COBL: variants seen among roughly 807,000 people sequenced by gnomAD.
COBL encodes protein cordon-bleu.
COBL carries 51 observed loss-of-function variants against 98.8 expected under a neutral mutation model. That is an observed-to-expected ratio of 0.52 (90% CI 0.41 to 0.65). COBL has a LOEUF of 0.65. Ranked by LOEUF, COBL falls within the 30% of genes least tolerant of loss-of-function variation. COBL has a pLI of 0.00. For synonymous variants in COBL, 634 were observed against 651.7 expected, an observed-to-expected ratio of 0.97 and a Z score of 0.41; for missense variants, 1,617 against 1,617.5, an observed-to-expected ratio of 1.00 and a Z score of 0.01.
At chr7:51,130,297 C>T (rs1798619283) in intron 6 of COBL, among the ~76,000 whole-genome samples, 1 of 152,138 alleles carries the variant, frequency 6.6e-6, no homozygotes. Flanking sequence ...GAGGAGTGGC[C>T]ATGAGACACA....
chr7:51,275,125 G>A (rs1584377423), intron 1 of COBL, among the ~76,000 whole-genome samples: 2 of 152,158 alleles, frequency 1.3e-5, no homozygotes, highest in South Asian at 2.1e-4. Flanking sequence ...AGGGACGCAC[G>A]TGGAGCCGCT....
intron 1 of COBL, among the ~76,000 whole-genome samples, chr7:51,245,258 T>C (rs1796188940): frequency 6.6e-6 from 1 of 152,188 alleles, no homozygotes; most frequent in African/African-American, 2.4e-5. Flanking sequence ...GCTGTTCTTC[T>C]ACCTGGAATT....
intron 7 of COBL, among the ~76,000 whole-genome samples, chr7:51,049,066 T>G (rs1209873740): frequency 2.6e-5 from 4 of 152,178 alleles, no homozygotes; most frequent in Non-Finnish European, 5.9e-5. Context: ...CTAATATATG[T>G]CAAAAATCAC....
chr7:51,108,957 C>CACACACACACACACACACA (rs869144573), intron 6 of COBL, among the ~76,000 whole-genome samples: 9 of 83,966 alleles, frequency 1.1e-4, no homozygotes, highest in Non-Finnish European at 2.2e-4. Flanking sequence ...CACACACACA[C>CACACACACACACACACACA]CCCCTGCCCC....
intron 1 of COBL, among the ~76,000 whole-genome samples, chr7:51,295,285 C>CA (rs10628772): frequency 0.51 from 70,392 of 137,488 alleles, 17,183 homozygotes; most frequent in South Asian, 0.59. Context: ...GACTCTGGCT[C>CA]AAAAAAAAAA....
chr7:51,192,903 A>C (rs1790244018), intron 3 of COBL, among the ~76,000 whole-genome samples: 1 of 152,236 alleles, frequency 6.6e-6, no homozygotes, highest in Admixed American at 6.5e-5. Context: ...TAAAGTTAAA[A>C]TTAAATTAAA....
chr7:51,087,559 C>T (rs904785859), intron 6 of COBL, among the ~76,000 whole-genome samples: 8 of 151,960 alleles, frequency 5.3e-5, no homozygotes, highest in Admixed American at 2.0e-4. Context: ...AGTGCAGTGG[C>T]GCGATCTCGG....
intron 4 of COBL, among the ~76,000 whole-genome samples, chr7:51,189,535 G>A (rs1465460783): frequency 6.6e-6 from 1 of 152,146 alleles, no homozygotes; most frequent in African/African-American, 2.4e-5. Flanking sequence ...TCAGGAGGCT[G>A]AGGCAGGAGA....
chr7:51,091,599 A>T (rs930735949), intron 6 of COBL, among the ~76,000 whole-genome samples: 4 of 152,170 alleles, frequency 2.6e-5, no homozygotes, highest in African/African-American at 9.6e-5. Flanking sequence ...AGGGGCAGAG[A>T]GTTGATCTGG....
At chr7:51,141,760 T>A (rs140027074) in intron 5 of COBL, among the ~76,000 whole-genome samples, 2 of 151,910 alleles carry the variant, frequency 1.3e-5, no homozygotes, top group East Asian at 3.9e-4. Flanking sequence ...CAATGTGACA[T>A]AAACCAGATG....
chr7:51,234,273 GA>G (rs1795027536), intron 1 of COBL, among the ~76,000 whole-genome samples: 1 of 152,232 alleles, frequency 6.6e-6, no homozygotes, highest in Admixed American at 6.5e-5. Context: ...AGGCACTGCT[GA>G]GCAACCATGT....
rs150370389 is a variant in COBL at position 51,028,501 on chromosome 7, G to A, written c.2595C>T (p.Ser865=). 3.6e-5 allele frequency: 58 copies of A among 1,614,154 alleles called. No individual in the cohort carries two copies. Among genetic ancestry groups the A allele is most frequent in the Non-Finnish European group, 4.8e-5 (57 of 1,180,066 alleles). Reference sequence around the variant, plus strand: ...TGGCAATGGCAGAGGCCACATACTGGCTGGACGTTCTTCTCTGAGGCTTGA... The same window carrying A: ...TGGCAATGGCAGAGGCCACATACTGACTGGACGTTCTTCTCTGAGGCTTGA... ...TFLKPQRRTS[S]QYVASAIAKR... The change falls in exon 10 of 13, where the codon AGC becomes AGT. Residue 865 remains serine, a synonymous_variant. Coordinates refer to ENST00000265136, the MANE Select transcript of COBL (RefSeq NM_015198.5).
At chr7:51,241,920 G>A (rs527369830) in intron 1 of COBL, among the ~76,000 whole-genome samples, 11 of 151,364 alleles carry the variant, frequency 7.3e-5, no homozygotes, top group African/African-American at 2.2e-4. Flanking sequence ...GCCAATTCAC[G>A]CTGACTTCCT....
intron 6 of COBL, among the ~76,000 whole-genome samples, chr7:51,108,362 C>T (rs557878697): frequency 6.6e-6 from 1 of 152,148 alleles, no homozygotes; most frequent in Non-Finnish European, 1.5e-5. Flanking sequence ...ATACACCACG[C>T]TTTATGTGCT....
chr7:51,316,415 GCACCACCACCCAA>G, intron 1 of COBL, 165 bp downstream of exon 1: 1 of 399,480 alleles, frequency 2.5e-6, no homozygotes, highest in Non-Finnish European at 4.0e-6. Flanking sequence ...TACACAGCAC[GCACCACCACCCAA>G]CACCAGCACC....
chr7:51,280,724 T>C lies in COBL; in HGVS notation c.41+35869A>G, dbSNP rs76670174. Among the ~76,000 whole-genome samples the C allele has an allele frequency of 7.7e-3, 1,168 of 152,302 alleles. 59 individuals carry two copies. In the South Asian group the frequency reaches 0.13, roughly 17 times the overall value. On this transcript the variant is annotated intron_variant, in intron 1 of 12. Transcript: ENST00000265136. ...GGTGCGTCCCCAAACTGCACACGTA[T>C]GGATCTGGTCCTGGGTGGCTTTAAG...
In COBL at chr7:51,156,192, GCA is replaced by G. The variant is rs146159564; in HGVS notation, c.784-19863_784-19862del. On this transcript the variant is annotated intron_variant, in intron 5 of 12. Transcript: ENST00000265136. ...TTTTGTAGTTCAACCAAAATACTCTGCACACACACACACACACACAAAATTTA... is the reference window on the plus strand; with the variant it reads ...TTTTGTAGTTCAACCAAAATACTCTGCACACACACACACACACAAAATTTA... 5.5e-4 allele frequency: 507 copies of G among 918,138 alleles called. 2 individuals carry two copies. In the African/African-American group the frequency reaches 5.6e-3, roughly 10 times the overall value. The allele number at this position is 918,138 out of a possible 1,614,324, so 56.9% of individuals were successfully genotyped here.
At chr7:51,195,422 A>G (rs965073511) in intron 2 of COBL, among the ~76,000 whole-genome samples, 4 of 152,004 alleles carry the variant, frequency 2.6e-5, no homozygotes, top group African/African-American at 9.7e-5. Context: ...CTGTAGCCCT[A>G]TAGTATAGTT....
At chr7:51,282,121 A>G (rs1799869052) in intron 1 of COBL, among the ~76,000 whole-genome samples, 1 of 152,138 alleles carries the variant, frequency 6.6e-6, no homozygotes, top group Non-Finnish European at 1.5e-5. Context: ...TGGAAAGAAG[A>G]AACAAGAATG....
Sources: gnomAD v4.1 joint callset for allele counts (sites outside exome capture counted in the v4.1 genomes callset) on GRCh38, gnomAD v4.1.1 for gene constraint, MANE v1.5 for transcripts, NCBI Gene and HGNC (gene_info 2026-07-23, HGNC 2026-07-21) for gene names.